AMDHD2: variants seen among roughly 807,000 people sequenced by gnomAD.
AMDHD2 encodes N-acetylglucosamine-6-phosphate deacetylase.
In AMDHD2, 24 loss-of-function variants were observed where a neutral mutation model predicts 41.8. That is an observed-to-expected ratio of 0.57 (90% confidence interval 0.42 to 0.81). The LOEUF (loss-of-function observed/expected upper bound fraction) is 0.81, where lower values mean the gene tolerates loss of function less well. Ranked by LOEUF, AMDHD2 falls within the 30% of genes least tolerant of loss-of-function variation. The pLI is 0.00. For missense variants in AMDHD2, 540 were observed against 588.5 expected (o/e 0.92, Z 0.85); for synonymous variants, 332 against 255.5 (o/e 1.30, Z -2.85).
At chr16:2,521,513 G>C (rs922413482) in intron 3 of AMDHD2, among the ~76,000 whole-genome samples, 5 of 152,168 alleles carry the variant, frequency 3.3e-5, no homozygotes, top group Non-Finnish European at 7.4e-5. Context: ...TAACCTGTCT[G>C]ATGTGTGACT....
Position 2,531,078 on chromosome 16 carries a change from A to G in AMDHD2, c.*1515A>G. 1.3e-6 allele frequency: 2 copies of G among 1,581,944 alleles called. No individual in the cohort carries two copies. The highest frequency in any genetic ancestry group is 1.7e-6 in the Non-Finnish European group (2 of 1,160,000). On this transcript the variant is annotated 3_prime_UTR_variant, in exon 11 of 11. Transcript: ENST00000293971. ...GTCAGTGCTTGATGTGCCCATCCTC[A>G]GCTAAAACCCAGAGCTGGCATGTTG...
Position 2,520,977 on chromosome 16 carries a change from GC to G in AMDHD2, c.221-6del, listed in dbSNP as rs1302309209. ...TCCATGCGACACTTCCTTTTCTGTGGCTGCAGGTGGATTTGGTGTTGACTTC... is the reference window on the plus strand; with the variant it reads ...TCCATGCGACACTTCCTTTTCTGTGGTGCAGGTGGATTTGGTGTTGACTTC... On this transcript the variant is annotated splice_polypyrimidine_tract_variant and splice_region_variant and intron_variant, in intron 2 of 10. Transcript: ENST00000293971. The G allele has an allele frequency of 6.3e-7, 1 of 1,598,320 alleles. No individual in the cohort carries two copies. Among genetic ancestry groups the G allele is most frequent in the African/African-American group, 1.3e-5 (1 of 74,542 alleles).
At chr16:2,526,143 C>T (rs1436957398) in intron 3 of AMDHD2, among the ~76,000 whole-genome samples, 1 of 148,364 alleles carries the variant, frequency 6.7e-6, no homozygotes, top group Non-Finnish European at 1.5e-5. Context: ...TCGAGGCTTG[C>T]CCAGGCTGCC....
chr16:2,522,026 C>T (rs1363328126), intron 3 of AMDHD2, among the ~76,000 whole-genome samples: 3 of 151,954 alleles, frequency 2.0e-5, no homozygotes, highest in African/African-American at 4.8e-5. Context: ...CCTCGTGATC[C>T]GCCCGCCTTG....
rs1313673748 is a variant in AMDHD2 at position 2,530,811 on chromosome 16, G to T, written c.*1248G>T. The T allele has an allele frequency of 6.2e-7, 1 of 1,613,766 alleles. No individual in the cohort carries two copies. ...GGTTGATCTCAGCCCACAAGCCCCAGGGGCAGCCCAGGAAAGCAGGCGACG... is the reference window on the plus strand; with the variant it reads ...GGTTGATCTCAGCCCACAAGCCCCATGGGCAGCCCAGGAAAGCAGGCGACG... On this transcript the variant is annotated 3_prime_UTR_variant, in exon 11 of 11. Coordinates refer to ENST00000293971, the MANE Select transcript of AMDHD2 (RefSeq NM_001330449.2).
At chr16:2,523,432 C>T (rs1269511802) in intron 3 of AMDHD2, among the ~76,000 whole-genome samples, 1 of 152,126 alleles carries the variant, frequency 6.6e-6, no homozygotes, top group Admixed American at 6.6e-5. Context: ...CATTGGCCTC[C>T]TGATGTCATG....
At chr16:2,522,217 A>G (rs1232894498) in intron 3 of AMDHD2, among the ~76,000 whole-genome samples, 1 of 152,094 alleles carries the variant, frequency 6.6e-6, no homozygotes, top group Non-Finnish European at 1.5e-5. Flanking sequence ...TTGAGTAGGT[A>G]GGACTACAGG....
intron 3 of AMDHD2, among the ~76,000 whole-genome samples, chr16:2,526,422 G>A (rs1054907723): frequency 5.9e-5 from 9 of 152,020 alleles, no homozygotes; most frequent in Non-Finnish European, 7.4e-5. Context: ...CTACTTCCCC[G>A]GGGGCCCGAC....
chr16:2,530,187 C>T lies in AMDHD2; in HGVS notation c.*624C>T, dbSNP rs2066067016. 5 of 1,491,110 alleles carry T rather than the reference C, an allele frequency of 3.4e-6. No homozygotes were observed. The highest frequency in any genetic ancestry group is 4.5e-6 in the Non-Finnish European group (5 of 1,120,180). 92.4% of individuals were successfully genotyped at this position (1,491,110 alleles called of 1,614,324 possible). ...TTTTCTGCTCCCTGGACTGCCTAGC[C>T]CTGAGTGCCACGGATGACCAGCGTT... On this transcript the variant is annotated 3_prime_UTR_variant, in exon 11 of 11. Transcript: ENST00000293971.
chr16:2,529,863 G>A lies in AMDHD2; in HGVS notation c.*300G>A. 2 of 1,323,846 alleles carry A rather than the reference G, an allele frequency of 1.5e-6. No homozygotes were observed. Among genetic ancestry groups the A allele is most frequent in the Admixed American group, 2.9e-5 (1 of 34,210 alleles). 82.0% of individuals were successfully genotyped at this position (1,323,846 alleles called of 1,614,324 possible). On this transcript the variant is annotated 3_prime_UTR_variant, in exon 11 of 11. Coordinates refer to ENST00000293971, the MANE Select transcript of AMDHD2 (RefSeq NM_001330449.2). ...TAGCCTGGGCCTTGGGCCCCAGTGG[G>A]GGACAGGGCCTGTCTGCATGAAGTG...
chr16:2,522,505 G>C (rs1310459850), intron 3 of AMDHD2, among the ~76,000 whole-genome samples: 2 of 151,756 alleles, frequency 1.3e-5, no homozygotes, highest in East Asian at 3.9e-4. Context: ...GTGAAACCCC[G>C]TCTCTACTAA....
chr16:2,527,312 G>A lies in AMDHD2; in HGVS notation c.361-249G>A, dbSNP rs2066016237. On this transcript the variant is annotated intron_variant, in intron 3 of 10. Coordinates refer to ENST00000293971, the MANE Select transcript of AMDHD2 (RefSeq NM_001330449.2). This position sits in a 1 kb window ranked among gnomAD's most constrained non-coding sequence, Gnocchi z 6.1. ...TGCTGTGCCCAGGGCCACCCTCAGT[G>A]CCCACAAGCCTGCCCACATGGCCAG... is the stretch of plus-strand genomic sequence containing the variant. Among the ~76,000 whole-genome samples the A allele has an allele frequency of 6.6e-6, 1 of 152,046 alleles. No individual in the cohort carries two copies. The highest frequency in any genetic ancestry group is 1.5e-5 in the Non-Finnish European group (1 of 68,006).
intron 3 of AMDHD2, among the ~76,000 whole-genome samples, chr16:2,526,177 C>T (rs543757452): frequency 6.6e-6 from 1 of 152,160 alleles, no homozygotes; most frequent in Non-Finnish European, 1.5e-5. Context: ...GGTGTGCTTT[C>T]TTTCAGAAGA....
Position 2,530,215 on chromosome 16 carries a change from G to T in AMDHD2, c.*652G>T. 2 of 1,543,108 alleles carry T rather than the reference G, an allele frequency of 1.3e-6. No homozygotes were observed. Among genetic ancestry groups the T allele is most frequent in the Non-Finnish European group, 1.7e-6 (2 of 1,144,596 alleles). The stretch of plus-strand genomic sequence containing the variant: ...GAGTGCCACGGATGACCAGCGTTCT[G>T]TTTTCTCTTCTCAATAACCCTATCT... On this transcript the variant is annotated 3_prime_UTR_variant, in exon 11 of 11. Coordinates refer to ENST00000293971, the MANE Select transcript of AMDHD2 (RefSeq NM_001330449.2).
In AMDHD2 at chr16:2,529,003, T is replaced by A. The variant is rs1441638096; in HGVS notation, c.1049T>A (p.Met350Lys). ...TGTGTCCCCCAAGCAGGCTGCAGCA[T>A]GGAGTCGGCCCTGGAGGCTGCATCC... ...RHFLQATGCS[M>K]ESALEAASLH... The change falls in exon 10 of 11, where the codon ATG becomes AAG. Residue 350 changes from methionine (M) to lysine (K), a missense_variant. By Grantham distance (95) the Met-to-Lys change is moderately conservative (BLOSUM62 -1). Transcript: ENST00000293971. 1.3e-6 allele frequency: 2 copies of A among 1,582,360 alleles called. No individual in the cohort carries two copies. Among genetic ancestry groups the A allele is most frequent in the Admixed American group, 1.8e-5 (1 of 55,010 alleles).
chr16:2,529,834 A>G lies in AMDHD2; in HGVS notation c.*271A>G. 1 of 1,415,654 alleles carries G rather than the reference A, an allele frequency of 7.1e-7. No individual in the cohort carries two copies. The highest frequency in any genetic ancestry group is 9.2e-7 in the Non-Finnish European group (1 of 1,085,324). 87.7% of individuals were successfully genotyped at this position (1,415,654 alleles called of 1,614,324 possible). A position where few individuals can be genotyped will look rare whatever the true frequency, so the allele number is the denominator to read the frequency against. ...GCCTGGGGTGGGATGGCTGGGCTGT[A>G]GTTTAGCCTGGGCCTTGGGCCCCAG... On this transcript the variant is annotated 3_prime_UTR_variant, in exon 11 of 11. Transcript: ENST00000293971.
In AMDHD2 at chr16:2,530,401, G is replaced by A. The variant is rs181209921; in HGVS notation, c.*838G>A. 13 of 1,614,166 alleles carry A rather than the reference G, an allele frequency of 8.1e-6. No homozygotes were observed. The highest frequency in any genetic ancestry group is 4.4e-5 in the South Asian group (4 of 91,088). On this transcript the variant is annotated 3_prime_UTR_variant, in exon 11 of 11. Coordinates refer to ENST00000293971, the MANE Select transcript of AMDHD2 (RefSeq NM_001330449.2). ...TGGCACACACCCATGTGGCAAACAC[G>A]GGCCGTGAGGCTCCCTGAACAGCTT...
At chr16:2,526,954 G>A (rs2066011439) in intron 3 of AMDHD2, 1 of 152,612 alleles carries the variant, frequency 6.6e-6, no homozygotes, top group Non-Finnish European at 1.5e-5. Context: ...AAGTGTTACT[G>A]TTGTGTGGGT....
At position 2,528,252 on chromosome 16, in the gene AMDHD2, C is replaced by T. The variant is rs930665131; in HGVS notation, c.734C>T (p.Pro245Leu). ...NAMLPFHHRD[P>L]GIVGLLTSDR... is the part of the protein sequence containing the mutation. ...CCTGCCCAGTTCCACCACCGCGACC[C>T]AGGCATCGTGGGGCTCCTGACCAGC... The change falls in exon 7 of 11, where the codon CCA (proline) becomes CTA (leucine). Residue 245 changes from proline (P) to leucine (L), a missense_variant. Physicochemically the swap from Pro to Leu is moderately conservative, Grantham distance 98. Transcript: ENST00000293971. 2.5e-6 allele frequency: 4 copies of T among 1,612,138 alleles called. No homozygotes were observed. The highest frequency in any genetic ancestry group is 3.4e-6 in the Non-Finnish European group (4 of 1,179,892).
Sources: allele counts gnomAD v4.1 joint callset (sites outside exome capture counted in the v4.1 genomes callset), GRCh38; gene constraint gnomAD v4.1.1; non-coding constraint Gnocchi (gnomAD v3.1); transcripts MANE v1.5; gene names NCBI Gene and HGNC (gene_info 2026-07-23, HGNC 2026-07-21).